The following SMYD3 variants were observed in gnomAD, a reference collection of about 807,000 sequenced individuals.
The protein encoded by SMYD3 is histone-lysine N-methyltransferase SMYD3.
A neutral mutation model predicts 57.7 loss-of-function variants in SMYD3; 36 were observed. The observed-to-expected ratio is 0.62, with a 90% CI of 0.48 to 0.82. The LOEUF (loss-of-function observed/expected upper bound fraction) is 0.82, where lower values mean the gene tolerates loss of function less well. SMYD3 is among the 40% of genes least tolerant of loss of function. SMYD3 has a pLI of 0.00. For missense variants in SMYD3, 515 were observed against 538.8 expected, an observed-to-expected ratio of 0.96 and a Z score of 0.44; for synonymous variants, 211 against 195.0, an observed-to-expected ratio of 1.08 and a Z score of -0.68.
chr1:245,765,044 C>CCA (rs2046012568), intron 10 of SMYD3, among the ~76,000 whole-genome samples: 1 of 110,070 alleles, frequency 9.1e-6, no homozygotes, highest in Non-Finnish European at 1.7e-5. Flanking sequence ...GTGGAAATGC[C>CCA]TACACACACA....
intron 9 of SMYD3, among the ~76,000 whole-genome samples, chr1:245,861,799 C>G (rs2051563461): frequency 6.6e-6 from 1 of 152,166 alleles, no homozygotes; most frequent in Non-Finnish European, 1.5e-5. Flanking sequence ...AAGTCTGTAT[C>G]TTTACCAAAA....
chr1:246,435,478 A>C (rs1201672044), intron 1 of SMYD3, among the ~76,000 whole-genome samples: 6 of 152,062 alleles, frequency 3.9e-5, no homozygotes, highest in Non-Finnish European at 5.9e-5. Context: ...CAAAATGTTA[A>C]GTGAAAACTT....
intron 8 of SMYD3, among the ~76,000 whole-genome samples, chr1:245,895,296 G>A (rs2053690954): frequency 6.6e-6 from 1 of 152,138 alleles, no homozygotes; most frequent in Admixed American, 6.5e-5. Flanking sequence ...AAATGGGAAT[G>A]AACACACGCA....
chr1:246,420,572 A>C (rs949138652), intron 1 of SMYD3, among the ~76,000 whole-genome samples: 1 of 152,216 alleles, frequency 6.6e-6, no homozygotes, highest in African/African-American at 2.4e-5. Context: ...TTATCTAGAG[A>C]AAGTTTATGA....
chr1:245,791,210 T>C (rs531750678), intron 10 of SMYD3, among the ~76,000 whole-genome samples: 8 of 152,306 alleles, frequency 5.3e-5, no homozygotes, highest in African/African-American at 1.9e-4. Context: ...ATGGGATACC[T>C]ATACTAAACT....
In SMYD3 at chr1:246,481,403, A is replaced by G. The variant is rs116757336; in HGVS notation, c.164+25651T>C. Among the ~76,000 whole-genome samples the G allele has an allele frequency of 7.4e-3, 1,120 of 151,092 alleles. 16 individuals carry two copies. Among genetic ancestry groups the G allele is most frequent in the African/African-American group, 0.025 (1,038 of 41,184 alleles). On this transcript the variant is annotated intron_variant, in intron 1 of 11. Coordinates refer to ENST00000490107, the MANE Select transcript of SMYD3 (RefSeq NM_001167740.2). The stretch of plus-strand genomic sequence containing the variant: ...ATATCATCCAACCTGTGAGGGCCCA[A>G]TTAGAACAAAAGAATGGAGAAAGGG...
chr1:246,113,139 G>A (rs10924509), intron 5 of SMYD3, among the ~76,000 whole-genome samples: 26,697 of 151,516 alleles, frequency 0.18, 3,054 homozygotes, highest in East Asian at 0.43. Flanking sequence ...CCGAGATCAC[G>A]CCACTGCCCT....
intron 1 of SMYD3, among the ~76,000 whole-genome samples, chr1:246,454,643 G>A (rs1333764893): frequency 2.0e-5 from 3 of 152,132 alleles, no homozygotes; most frequent in Admixed American, 2.0e-4. Flanking sequence ...AGCCTCAAAC[G>A]TCAGCAATGT....
intron 1 of SMYD3, among the ~76,000 whole-genome samples, chr1:246,436,191 A>G (rs1379113699): frequency 5.5e-5 from 2 of 36,520 alleles, no homozygotes; most frequent in East Asian, 4.1e-4. Context: ...TTCTTATTTG[A>G]AAAAAAAAAA....
At chr1:246,046,391 A>C (rs917415248) in intron 5 of SMYD3, among the ~76,000 whole-genome samples, 1 of 152,030 alleles carries the variant, frequency 6.6e-6, no homozygotes, top group African/African-American at 2.4e-5. Context: ...AATCAAACAC[A>C]GCATGTTCTC....
At chr1:246,191,521 T>C (rs1203522517) in intron 5 of SMYD3, among the ~76,000 whole-genome samples, 2 of 152,220 alleles carry the variant, frequency 1.3e-5, no homozygotes, top group African/African-American at 2.4e-5. Context: ...GCATATATTA[T>C]AAATAAATGT....
chr1:245,977,029 C>T (rs139361569), intron 5 of SMYD3, among the ~76,000 whole-genome samples: 1,073 of 36,738 alleles, frequency 0.029, 200 homozygotes, highest in Middle Eastern at 0.069. Flanking sequence ...GTCTCTAGCC[C>T]AGGGAAAGCC....
At chr1:246,327,657 C>A (rs1439901932) in intron 4 of SMYD3, among the ~76,000 whole-genome samples, 1 of 152,166 alleles carries the variant, frequency 6.6e-6, no homozygotes, top group African/African-American at 2.4e-5. Flanking sequence ...TACACACATA[C>A]AAACAATTAT....
At chr1:245,921,549 G>GTATATATATATATATATA (rs143521072) in intron 7 of SMYD3, among the ~76,000 whole-genome samples, 28 of 141,392 alleles carry the variant, frequency 2.0e-4, no homozygotes, top group East Asian at 1.4e-3. Flanking sequence ...AAAATGTGGT[G>GTATATATATATATATATA]TATATATATA....
chr1:245,965,213 G>C (rs1479916251), intron 5 of SMYD3, among the ~76,000 whole-genome samples: 1 of 152,092 alleles, frequency 6.6e-6, no homozygotes, highest in Non-Finnish European at 1.5e-5. Flanking sequence ...GCATATATAT[G>C]CTTATGTATA....
At chr1:246,393,872 A>AT (rs1334225295) in intron 1 of SMYD3, among the ~76,000 whole-genome samples, 7 of 152,014 alleles carry the variant, frequency 4.6e-5, no homozygotes, top group Non-Finnish European at 7.4e-5. Flanking sequence ...AAATCTAAAA[A>AT]CAATTGTCTT....
At chr1:246,264,171 CTT>C (rs2064062968) in intron 5 of SMYD3, among the ~76,000 whole-genome samples, 1 of 152,090 alleles carries the variant, frequency 6.6e-6, no homozygotes, top group Non-Finnish European at 1.5e-5. Flanking sequence ...AGCAGTAACT[CTT>C]GTTTATTCTA....
chr1:245,817,730 T>G (rs1355336769), intron 10 of SMYD3, among the ~76,000 whole-genome samples: 1 of 151,818 alleles, frequency 6.6e-6, no homozygotes, highest in Non-Finnish European at 1.5e-5. Flanking sequence ...AAACCAAGGC[T>G]CGAGAACTAT....
intron 5 of SMYD3, among the ~76,000 whole-genome samples, chr1:246,121,169 C>T (rs2148025256): frequency 6.6e-6 from 1 of 152,198 alleles, no homozygotes; most frequent in Admixed American, 6.5e-5. Context: ...GATATAAAGA[C>T]AAAACAAAAG....
Sources: allele counts gnomAD v4.1 joint callset (sites outside exome capture counted in the v4.1 genomes callset), GRCh38; gene constraint gnomAD v4.1.1; transcripts MANE v1.5; gene names NCBI Gene and HGNC (gene_info 2026-07-23, HGNC 2026-07-21).